Variants in BLVRA observed in about 807,000 individuals in gnomAD.
BLVRA encodes biliverdin reductase A.
A neutral mutation model predicts 32.8 loss-of-function variants in BLVRA; 22 were observed. The ratio of observed to expected loss-of-function variants is 0.67; its 90% CI spans 0.48 to 0.96. The LOEUF (loss-of-function observed/expected upper bound fraction) is 0.96. BLVRA is among the 40% of genes least tolerant of loss of function. BLVRA has a pLI of 0.00. For synonymous variants in BLVRA, 119 were observed against 141.3 expected (o/e 0.84, Z 1.12); for missense variants, 323 against 358.1 (o/e 0.90, Z 0.79).
intron 5 of BLVRA, among the ~76,000 whole-genome samples, chr7:43,798,119 G>A (rs760075324): frequency 1.4e-5 from 2 of 147,592 alleles, no homozygotes; most frequent in South Asian, 2.1e-4. Context: ...TCTTGAACCC[G>A]GGAGGCACAG....
rs1337657913 is a variant in BLVRA, at chr7:43,781,611, TTACAGGCA to T, written c.13-6291_13-6284del. Among the ~76,000 whole-genome samples, 3 of 152,224 alleles carry T rather than the reference TTACAGGCA, an allele frequency of 2.0e-5. No individual in the cohort carries two copies. The East Asian group carries it at 5.8e-4, about 29-fold the overall frequency. ...CTCTCGACCTCCCAAAGTGCTGGGA[TTACAGGCA>T]TGAGCCACAGTGCCCAGCCTGATAT... On this transcript the variant is annotated intron_variant, in intron 2 of 7. Transcript: ENST00000265523.
intron 2 of BLVRA, 129 bp downstream of exon 2, chr7:43,771,299 C>T: frequency 9.2e-7 from 1 of 1,081,832 alleles, no homozygotes; most frequent in Non-Finnish European, 1.4e-6. Flanking sequence ...CTCTAGCCTA[C>T]TGAAGTGCAC....
chr7:43,774,362 G>A (rs1487398249), intron 2 of BLVRA, among the ~76,000 whole-genome samples: 2 of 152,166 alleles, frequency 1.3e-5, no homozygotes, highest in Non-Finnish European at 2.9e-5. Context: ...CATATGGCTA[G>A]CCAGTTTTCC....
At chr7:43,799,535 C>T (rs2095796439) in intron 5 of BLVRA, among the ~76,000 whole-genome samples, 2 of 152,044 alleles carry the variant, frequency 1.3e-5, no homozygotes, top group African/African-American at 2.4e-5. Context: ...TGCACTGGTA[C>T]GATCTTGGCT....
chr7:43,769,108 G>C (rs563194105), intron 1 of BLVRA, among the ~76,000 whole-genome samples: 3 of 151,954 alleles, frequency 2.0e-5, no homozygotes, highest in Non-Finnish European at 4.4e-5. Context: ...GCTCACTGCA[G>C]CCTCAAATTC....
intron 3 of BLVRA, among the ~76,000 whole-genome samples, chr7:43,790,125 C>T (rs1007598835): frequency 3.3e-5 from 5 of 152,084 alleles, no homozygotes; most frequent in Admixed American, 6.6e-5. Context: ...GAGCTCTGAG[C>T]GGGCTGAGGG....
chr7:43,800,646 A>C, intron 6 of BLVRA, 74 bp downstream of exon 6: 4 of 1,303,442 alleles, frequency 3.1e-6, no homozygotes, highest in Non-Finnish European at 3.3e-6. Context: ...GCTCTCTGGG[A>C]TGGGAGCTTA....
chr7:43,786,170 G>T (rs1410058352), intron 2 of BLVRA, among the ~76,000 whole-genome samples: 1 of 152,124 alleles, frequency 6.6e-6, no homozygotes, highest in East Asian at 1.9e-4. Flanking sequence ...AACACATATA[G>T]ATTAAATGTG....
chr7:43,796,118 T>G (rs1247293238), intron 5 of BLVRA, among the ~76,000 whole-genome samples: 1 of 91,602 alleles, frequency 1.1e-5, no homozygotes, highest in African/African-American at 4.5e-5. Context: ...AGACTCTGTC[T>G]CACAAAAAAA....
intron 3 of BLVRA, among the ~76,000 whole-genome samples, 160 bp downstream of exon 3, chr7:43,788,185 G>C (rs1472974051): frequency 6.6e-6 from 1 of 152,206 alleles, no homozygotes; most frequent in Non-Finnish European, 1.5e-5. Context: ...GTTGGGATGG[G>C]TCTGGGAACT....
intron 7 of BLVRA, 49 bp downstream of exon 7, chr7:43,803,896 T>C: frequency 6.2e-7 from 1 of 1,604,820 alleles, no homozygotes; most frequent in Non-Finnish European, 8.5e-7. Context: ...GACATCCTAG[T>C]ACATTTGCAG....
intron 2 of BLVRA, among the ~76,000 whole-genome samples, chr7:43,782,924 A>C (rs1223849278): frequency 6.6e-6 from 1 of 151,776 alleles, no homozygotes; most frequent in Non-Finnish European, 1.5e-5. Context: ...TGGGAGTGAA[A>C]ACCAATTGCA....
intron 3 of BLVRA, among the ~76,000 whole-genome samples, chr7:43,788,846 C>T (rs1439872715): frequency 6.6e-6 from 1 of 151,132 alleles, no homozygotes; most frequent in Non-Finnish European, 1.5e-5. Context: ...CCTATGTTGC[C>T]TAGACTGGTC....
chr7:43,772,735 G>A (rs1207181885), intron 2 of BLVRA, among the ~76,000 whole-genome samples: 2 of 152,218 alleles, frequency 1.3e-5, no homozygotes, highest in South Asian at 2.1e-4. Flanking sequence ...AGTGCTGAGC[G>A]AAGGGGGAAG....
chr7:43,805,810 C>T (rs766267194), intron 7 of BLVRA, among the ~76,000 whole-genome samples: 7 of 152,010 alleles, frequency 4.6e-5, no homozygotes, highest in Non-Finnish European at 8.8e-5. Flanking sequence ...CTGTCTAGGC[C>T]GGTCTCAAAT....
chr7:43,788,238 C>T (rs916234753), intron 3 of BLVRA, among the ~76,000 whole-genome samples: 4 of 152,150 alleles, frequency 2.6e-5, no homozygotes, highest in African/African-American at 9.7e-5. Context: ...GTAGGTTGGC[C>T]TGGGAGACTG....
At chr7:43,783,694 T>G (rs1402913337) in intron 2 of BLVRA, among the ~76,000 whole-genome samples, 1 of 152,230 alleles carries the variant, frequency 6.6e-6, no homozygotes, top group Non-Finnish European at 1.5e-5. Flanking sequence ...ATTTGCATTT[T>G]AATTTGTAAT....
intron 2 of BLVRA, among the ~76,000 whole-genome samples, chr7:43,775,311 C>T (rs1327108842): frequency 1.3e-5 from 2 of 152,140 alleles, no homozygotes; most frequent in Non-Finnish European, 2.9e-5. Flanking sequence ...TGAGATATGT[C>T]CCATCAATAC....
chr7:43,768,653 T>C (rs1005368581), intron 1 of BLVRA, among the ~76,000 whole-genome samples: 4 of 152,222 alleles, frequency 2.6e-5, no homozygotes, highest in African/African-American at 7.2e-5. Context: ...TTATCTGTTA[T>C]CTGTTCTGTC....
Sources: allele counts gnomAD v4.1 joint callset (sites outside exome capture counted in the v4.1 genomes callset), GRCh38; gene constraint gnomAD v4.1.1; transcripts MANE v1.5; gene names NCBI Gene and HGNC (gene_info 2026-07-23, HGNC 2026-07-21).